MAMDC2: variants seen among roughly 807,000 people sequenced by gnomAD.
MAMDC2 encodes the protein MAM domain-containing protein 2.
MAMDC2 carries 57 observed loss-of-function variants against 89.8 expected under a neutral mutation model. The ratio of observed to expected loss-of-function variants is 0.63; its 90% CI spans 0.51 to 0.79. The LOEUF is 0.79. Among genes scored for constraint, MAMDC2 ranks in the 30% least tolerant of loss-of-function variants. MAMDC2 has a pLI of 0.00. For synonymous variants in MAMDC2, 313 were observed against 293.4 expected, an observed-to-expected ratio of 1.07 and a Z score of -0.68; for missense variants, 800 against 820.6, an observed-to-expected ratio of 0.97 and a Z score of 0.31.
chr9:70,193,402 A>AAATAT (rs1463848954), intron 11 of MAMDC2, among the ~76,000 whole-genome samples: 1 of 152,126 alleles, frequency 6.6e-6, no homozygotes, highest in African/African-American at 2.4e-5. Context: ...TACGCATTTA[A>AAATAT]AATATTAAAA....
At chr9:70,151,323 A>G (rs552001628) in intron 9 of MAMDC2, among the ~76,000 whole-genome samples, 1 of 152,262 alleles carries the variant, frequency 6.6e-6, no homozygotes, top group East Asian at 1.9e-4. Flanking sequence ...AAATGATCTC[A>G]TTTGTTTATT....
intron 5 of MAMDC2, among the ~76,000 whole-genome samples, chr9:70,119,286 A>G (rs1175514391): frequency 6.6e-6 from 1 of 152,212 alleles, no homozygotes; most frequent in East Asian, 1.9e-4. Flanking sequence ...TTATGGAAGA[A>G]GCTGGACAAG....
intron 12 of MAMDC2, 37 bp downstream of exon 12, chr9:70,218,633 C>T (rs200826489): frequency 4.6e-5 from 71 of 1,533,228 alleles, no homozygotes; most frequent in Non-Finnish European, 5.7e-5. Context: ...CAATGGAAAA[C>T]GTGTAGGAGC....
At chr9:70,119,529 A>G (rs1354732268) in intron 5 of MAMDC2, among the ~76,000 whole-genome samples, 1 of 152,166 alleles carries the variant, frequency 6.6e-6, no homozygotes, top group Non-Finnish European at 1.5e-5. Context: ...TCTTTGTGCA[A>G]GGTCTGCTGG....
In MAMDC2 at chr9:70,108,115, G is replaced by A. The variant is rs1383878063; in HGVS notation, c.149-96G>A. On this transcript the variant is annotated intron_variant, in intron 2 of 13. Transcript: ENST00000377182. ...GTGGGTTGACAAAATATATCTGCAG[G>A]TTTATCTGCCCAGAGATTTACTTAA... The A allele has an allele frequency of 3.2e-6, 4 of 1,254,042 alleles. No homozygotes were observed. In the African/African-American group the frequency reaches 6.1e-5, roughly 19 times the overall value. 77.7% of individuals were successfully genotyped at this position (1,254,042 alleles called of 1,614,324 possible). A position where few individuals can be genotyped will look rare whatever the true frequency, so the allele number is the denominator to read the frequency against.
intron 9 of MAMDC2, among the ~76,000 whole-genome samples, chr9:70,144,394 A>T (rs893308593): frequency 6.6e-5 from 10 of 152,176 alleles, no homozygotes; most frequent in African/African-American, 2.4e-4. Context: ...TGAGAATATA[A>T]AAAGAGATCT....
chr9:70,123,744 G>T (rs2030394536), intron 5 of MAMDC2, among the ~76,000 whole-genome samples: 2 of 152,144 alleles, frequency 1.3e-5, no homozygotes, highest in South Asian at 4.1e-4. Context: ...GGCACAGAGA[G>T]AAATGTACAC....
intron 9 of MAMDC2, chr9:70,157,670 C>T (rs201019401): frequency 1.8e-4 from 28 of 152,572 alleles, no homozygotes; most frequent in African/African-American, 5.6e-4. Flanking sequence ...GTGGCCCTCC[C>T]ATTTCATCTC....
chr9:70,169,563 T>C (rs1457906223), intron 10 of MAMDC2: 1 of 152,182 alleles, frequency 6.6e-6, no homozygotes, highest in Non-Finnish European at 1.5e-5. Flanking sequence ...ACTCAAGGCA[T>C]AGAAGAAAGA....
chr9:70,070,393 G>A (rs987543980), intron 2 of MAMDC2, among the ~76,000 whole-genome samples: 4 of 152,170 alleles, frequency 2.6e-5, no homozygotes, highest in African/African-American at 9.7e-5. Context: ...TTTTTGGAGA[G>A]CGGAGTTTCC....
intron 11 of MAMDC2, among the ~76,000 whole-genome samples, chr9:70,204,205 T>C: frequency 6.7e-6 from 1 of 148,674 alleles, no homozygotes; most frequent in African/African-American, 2.5e-5. Flanking sequence ...TTTTGGTCTT[T>C]GATGATGGTG....
intron 11 of MAMDC2, among the ~76,000 whole-genome samples, chr9:70,181,698 T>G (rs2032649431): frequency 6.6e-6 from 1 of 152,170 alleles, no homozygotes; most frequent in African/African-American, 2.4e-5. Flanking sequence ...TTTTTGCACA[T>G]TGATTTTGTA....
At chr9:70,064,041 G>A (rs1827208293) in intron 2 of MAMDC2, among the ~76,000 whole-genome samples, 1 of 151,928 alleles carries the variant, frequency 6.6e-6, no homozygotes. Flanking sequence ...TTTAAAAAAA[G>A]AAGTGTATGA....
intron 11 of MAMDC2, among the ~76,000 whole-genome samples, chr9:70,213,157 A>T (rs1171934885): frequency 2.0e-5 from 3 of 152,342 alleles, no homozygotes; most frequent in Admixed American, 2.0e-4. Flanking sequence ...CACAGCCATG[A>T]TCACTAAACA....
chr9:70,085,349 G>A, intron 2 of MAMDC2, among the ~76,000 whole-genome samples: 1 of 152,100 alleles, frequency 6.6e-6, no homozygotes, highest in African/African-American at 2.4e-5. Flanking sequence ...TCAAGGGGTG[G>A]TGCCAACTGG....
At chr9:70,046,349 G>T (rs918234529) in intron 2 of MAMDC2, among the ~76,000 whole-genome samples, 3 of 152,252 alleles carry the variant, frequency 2.0e-5, no homozygotes, top group African/African-American at 7.2e-5. Flanking sequence ...TCTGGCACTA[G>T]GGTGAAGGAG....
chr9:70,217,355 T>C lies in MAMDC2; in HGVS notation c.1652-982T>C. 1.3e-5 allele frequency: 18 copies of C among 1,364,916 alleles called. No individual in the cohort carries two copies. In the South Asian group the frequency reaches 2.1e-4, roughly 16 times the overall value. 84.6% of individuals were successfully genotyped at this position (1,364,916 alleles called of 1,614,324 possible). ...CCTTGGCAGATAAACTGGACTGTCC[T>C]CCACAGAAGGAAGCACAAAAAGGGA... is the stretch of plus-strand genomic sequence containing the variant. On this transcript the variant is annotated intron_variant, in intron 11 of 13. Coordinates refer to ENST00000377182, the MANE Select transcript of MAMDC2 (RefSeq NM_153267.5).
chr9:70,065,123 G>T (rs1396699097), intron 2 of MAMDC2, among the ~76,000 whole-genome samples: 1 of 152,106 alleles, frequency 6.6e-6, no homozygotes, highest in Admixed American at 6.5e-5. Flanking sequence ...CGACTAACAG[G>T]GATTACGAGC....
chr9:70,141,864 CA>C (rs1172350536), intron 8 of MAMDC2, among the ~76,000 whole-genome samples: 2 of 152,152 alleles, frequency 1.3e-5, no homozygotes, highest in African/African-American at 4.8e-5. Flanking sequence ...TTTGTTTGTA[CA>C]GATCCATTTT....
Sources: allele counts gnomAD v4.1 joint callset (sites outside exome capture counted in the v4.1 genomes callset), GRCh38; gene constraint gnomAD v4.1.1; transcripts MANE v1.5; gene names NCBI Gene and HGNC (gene_info 2026-07-23, HGNC 2026-07-21).